Variants in ADGB observed in about 807,000 individuals in gnomAD.
ADGB encodes the protein androglobin.
In ADGB, 172 loss-of-function variants were observed where a neutral mutation model predicts 210.5. The observed-to-expected ratio is 0.82, with a 90% CI of 0.72 to 0.93. The LOEUF is 0.93. ADGB is among the 40% of genes least tolerant of loss of function. ADGB has a pLI of 0.00. For synonymous variants in ADGB, 658 were observed against 662.7 expected (o/e 0.99, Z 0.11); for missense variants, 2,025 against 1,964.8 (o/e 1.03, Z -0.58).
At chr6:146,738,967 A>G (rs1370310441) in intron 23 of ADGB, among the ~76,000 whole-genome samples, 1 of 152,156 alleles carries the variant, frequency 6.6e-6, no homozygotes, top group Non-Finnish European at 1.5e-5. Context: ...ACTAAATTGA[A>G]ACTAATTCTT....
intron 29 of ADGB, among the ~76,000 whole-genome samples, chr6:146,779,690 C>T (rs1777771713): frequency 1.3e-5 from 2 of 151,106 alleles, no homozygotes; most frequent in Admixed American, 6.6e-5. Context: ...AATTATCAAC[C>T]AAGAATTTTC....
At chr6:146,732,903 C>G (rs554086908) in intron 20 of ADGB, among the ~76,000 whole-genome samples, 1 of 151,930 alleles carries the variant, frequency 6.6e-6, no homozygotes, top group Non-Finnish European at 1.5e-5. Flanking sequence ...ATATTATAAA[C>G]GTTGTAGTGA....
At chr6:146,713,889 T>G (rs1330486346) in intron 13 of ADGB, among the ~76,000 whole-genome samples, 1 of 152,178 alleles carries the variant, frequency 6.6e-6, no homozygotes, top group Admixed American at 6.5e-5. Flanking sequence ...TGTCTCTGTC[T>G]GTATCCGCTT....
intron 35 of ADGB, among the ~76,000 whole-genome samples, chr6:146,812,328 C>T (rs538217163): frequency 1.3e-5 from 2 of 152,266 alleles, no homozygotes; most frequent in African/African-American, 4.8e-5. Flanking sequence ...ATCAATGTCT[C>T]GAGATTTGTT....
At chr6:146,813,066 C>A (rs259371) in intron 35 of ADGB, among the ~76,000 whole-genome samples, 7 of 151,966 alleles carry the variant, frequency 4.6e-5, no homozygotes, top group Non-Finnish European at 8.8e-5. Flanking sequence ...TTCCCAATGA[C>A]CTGTCTCGCA....
rs376453822 is a variant in ADGB, at chr6:146,784,638, A to T, written c.4056A>T (p.Gln1352His). The T allele has an allele frequency of 2.0e-4, 315 of 1,549,124 alleles. No individual in the cohort carries two copies. The highest frequency in any genetic ancestry group is 8.4e-4 in the Middle Eastern group (5 of 5,966). Residue 1352 changes from glutamine (Q) to histidine (H), a missense_variant, in exon 31 of 36, where the codon CAA (glutamine) becomes CAT (histidine). By Grantham distance (24) the Gln-to-His change is conservative. Coordinates refer to ENST00000397944, the MANE Select transcript of ADGB (RefSeq NM_024694.4). Reference sequence around the variant, plus strand: ...ATCAGATATCCACTGTTCACCCTCAACAAGAAGACCCAAATAAACCCTACT... The same window carrying T: ...ATCAGATATCCACTGTTCACCCTCATCAAGAAGACCCAAATAAACCCTACT... ...FEPQISTVHPQQEDPNKPYWI... is the reference protein window; with the variant it reads ...FEPQISTVHPHQEDPNKPYWI...
intron 1 of ADGB, among the ~76,000 whole-genome samples, chr6:146,628,343 T>C (rs1168631741): frequency 1.3e-5 from 2 of 152,006 alleles, no homozygotes; most frequent in African/African-American, 2.4e-5. Flanking sequence ...ATTATTATCA[T>C]TATTATGCTC....
At position 146,752,516 on chromosome 6, in the gene ADGB, T is replaced by C. The variant is rs1415456147; in HGVS notation, c.3366-14T>C. On this transcript the variant is annotated splice_polypyrimidine_tract_variant and intron_variant, in intron 26 of 35. Coordinates refer to ENST00000397944, the MANE Select transcript of ADGB (RefSeq NM_024694.4). Reference sequence around the variant, plus strand: ...AACATACTTGCTTATAATGTTAACTTTTTTTCTTTACAGGTATTCGGTTAA... The same window carrying C: ...AACATACTTGCTTATAATGTTAACTCTTTTTCTTTACAGGTATTCGGTTAA... The C allele has an allele frequency of 1.3e-6, 2 of 1,526,770 alleles. No homozygotes were observed. Among genetic ancestry groups the C allele is most frequent in the South Asian group, 2.5e-5 (2 of 79,796 alleles). The allele number at this position is 1,526,770 out of a possible 1,614,324, so 94.6% of individuals were successfully genotyped here. A position where few individuals can be genotyped will look rare whatever the true frequency, so the allele number is the denominator to read the frequency against.
chr6:146,657,694 G>T (rs1016701776), intron 5 of ADGB, among the ~76,000 whole-genome samples: 1 of 152,174 alleles, frequency 6.6e-6, no homozygotes, highest in Admixed American at 6.5e-5. Context: ...AGGGTCATGG[G>T]CAGGAGGCAG....
At chr6:146,731,673 G>A (rs1776989865) in intron 20 of ADGB, among the ~76,000 whole-genome samples, 1 of 152,126 alleles carries the variant, frequency 6.6e-6, no homozygotes, top group African/African-American at 2.4e-5. Context: ...GATAATCAAT[G>A]TGAATTCTCC....
chr6:146,696,575 A>G (rs903808236), intron 12 of ADGB, among the ~76,000 whole-genome samples: 1 of 152,206 alleles, frequency 6.6e-6, no homozygotes, highest in Non-Finnish European at 1.5e-5. Flanking sequence ...TAATTAATCA[A>G]TGAAAACTCT....
At chr6:146,608,951 T>A (rs576414046) in intron 1 of ADGB, among the ~76,000 whole-genome samples, 1 of 152,356 alleles carries the variant, frequency 6.6e-6, no homozygotes, top group South Asian at 2.1e-4. Flanking sequence ...ATGATCTGTC[T>A]AATATTGTCA....
rs1398624997 is a variant in ADGB, at chr6:146,812,041, C to T, written c.4819-2991C>T. On this transcript the variant is annotated intron_variant, in intron 35 of 35. Transcript: ENST00000397944. Reference sequence around the variant, plus strand: ...TCTGATTTTTGCTATTTTTCCAAAGCTCTGATAGTTTCTTTGTAGCTTATT... The same window carrying T: ...TCTGATTTTTGCTATTTTTCCAAAGTTCTGATAGTTTCTTTGTAGCTTATT... 2.6e-5 allele frequency among the ~76,000 whole-genome samples: 4 copies of T among 152,290 alleles called. No individual in the cohort carries two copies. In the East Asian group the frequency reaches 7.7e-4, roughly 29 times the overall value.
chr6:146,799,539 A>G, intron 33 of ADGB, among the ~76,000 whole-genome samples: 1 of 148,778 alleles, frequency 6.7e-6, no homozygotes, highest in Non-Finnish European at 1.5e-5. Context: ...GGGGGAGAAA[A>G]AAAAAAAAAA....
intron 23 of ADGB, among the ~76,000 whole-genome samples, chr6:146,738,502 T>C (rs1180790947): frequency 7.1e-6 from 1 of 140,664 alleles, no homozygotes; most frequent in Non-Finnish European, 1.5e-5. Context: ...CAGGCTGGAG[T>C]GCAGTGGCAC....
chr6:146,684,522 C>T (rs951227421), intron 9 of ADGB, among the ~76,000 whole-genome samples: 1 of 152,040 alleles, frequency 6.6e-6, no homozygotes, highest in Non-Finnish European at 1.5e-5. Flanking sequence ...ATGGTCTTAT[C>T]TGATGATAGG....
At chr6:146,728,982 A>C (rs1463491115) in intron 20 of ADGB, among the ~76,000 whole-genome samples, 1 of 152,242 alleles carries the variant, frequency 6.6e-6, no homozygotes, top group South Asian at 2.1e-4. Flanking sequence ...TCAGCTATGC[A>C]GGGTGTCCTG....
At chr6:146,657,691 T>C (rs1006212935) in intron 5 of ADGB, among the ~76,000 whole-genome samples, 8 of 152,212 alleles carry the variant, frequency 5.3e-5, no homozygotes, top group African/African-American at 1.4e-4. Flanking sequence ...ATCAGGGTCA[T>C]GGGCAGGAGG....
At chr6:146,784,068 G>A (rs1179345705) in intron 30 of ADGB, among the ~76,000 whole-genome samples, 1 of 152,154 alleles carries the variant, frequency 6.6e-6, no homozygotes, top group Admixed American at 6.5e-5. Context: ...AACATTCAGT[G>A]AGTTTTGATC....
Sources: gnomAD v4.1 joint callset for allele counts (sites outside exome capture counted in the v4.1 genomes callset) on GRCh38, gnomAD v4.1.1 for gene constraint, MANE v1.5 for transcripts, NCBI Gene and HGNC (gene_info 2026-07-23, HGNC 2026-07-21) for gene names.